NUP98: variants seen among roughly 807,000 people sequenced by gnomAD.
NUP98 encodes the protein nuclear pore complex protein Nup98-Nup96.
A neutral mutation model predicts 191.9 loss-of-function variants in NUP98; 26 were observed. The ratio of observed to expected loss-of-function variants is 0.14; its 90% CI spans 0.10 to 0.19. The LOEUF is 0.19. Among genes scored for constraint, NUP98 ranks in the 10% least tolerant of loss-of-function variants. The probability of loss-of-function intolerance (pLI) is 1.00; values close to 1 mark genes in which losing one functional copy is unlikely to be tolerated. For missense variants in NUP98, 1,941 were observed against 2,178.8 expected, an observed-to-expected ratio of 0.89 and a Z score of 2.17; for synonymous variants, 808 against 778.4, an observed-to-expected ratio of 1.04 and a Z score of -0.63.
intron 1 of NUP98, among the ~76,000 whole-genome samples, chr11:3,786,811 C>T (rs988953545): frequency 6.6e-6 from 1 of 152,208 alleles, no homozygotes; most frequent in Non-Finnish European, 1.5e-5. Flanking sequence ...TTTACAACTC[C>T]AGGCAACTGT....
chr11:3,705,050 T>C, intron 22 of NUP98, 150 bp downstream of exon 22: 1 of 726,108 alleles, frequency 1.4e-6, no homozygotes, highest in East Asian at 2.7e-5. Flanking sequence ...TACTTATAAG[T>C]ACAATTTCTC....
At chr11:3,741,714 A>G (rs534687461) in intron 12 of NUP98, among the ~76,000 whole-genome samples, 1 of 152,272 alleles carries the variant, frequency 6.6e-6, no homozygotes, top group East Asian at 1.9e-4. Flanking sequence ...TTAAGATAGA[A>G]AGGATCTAAG....
At chr11:3,702,954 G>GA in intron 22 of NUP98, 62 bp from the exon 23 acceptor site, 2 of 1,330,546 alleles carry the variant, frequency 1.5e-6, no homozygotes, top group Non-Finnish European at 2.1e-6. Context: ...ATTGTTTCTT[G>GA]AACAATAACA....
At chr11:3,755,823 G>A (rs957647288) in intron 10 of NUP98, among the ~76,000 whole-genome samples, 1 of 152,090 alleles carries the variant, frequency 6.6e-6, no homozygotes, top group South Asian at 2.1e-4. Context: ...AATTAGCCGG[G>A]TGTGGTGGCA....
Position 3,705,272 on chromosome 11 carries a change from C to T in NUP98, c.3010G>A (p.Asp1004Asn), listed in dbSNP as rs1232608013. Residue 1004 changes from aspartate (D) to asparagine (N), a missense_variant, in exon 22 of 33, where the codon GAT becomes AAT. Asp to Asn is a conservative substitution (Grantham distance 23). Transcript: ENST00000324932. ...GGAGAACAGATTTCTTGAGAAGTAT[C>T]TGCTTTGGAAGGCAGGCGACTGAAG... ...QRFSRLPSKA[D>N]TSQEICSPRL... 4 of 1,614,060 alleles carry T rather than the reference C, an allele frequency of 2.5e-6. No homozygotes were observed. The highest frequency in any genetic ancestry group is 3.4e-6 in the Non-Finnish European group (4 of 1,180,030).
At chr11:3,693,458 C>G in intron 26 of NUP98, 83 bp from the exon 27 acceptor site, 2 of 1,342,120 alleles carry the variant, frequency 1.5e-6, no homozygotes, top group Non-Finnish European at 2.1e-6. Context: ...TGAATATTCA[C>G]TTATTCAAGG....
In NUP98 at chr11:3,702,769, G is replaced by C. The variant is rs761420786; in HGVS notation, c.3206C>G (p.Ser1069Cys). 1 of 1,614,170 alleles carries C rather than the reference G, an allele frequency of 6.2e-7. No individual in the cohort carries two copies. The change falls in exon 23 of 33, where the codon TCT becomes TGT. Residue 1069 changes from serine to cysteine, a missense_variant. By Grantham distance (112) the Ser-to-Cys change is moderately radical (BLOSUM62 -1). Around this residue, in one of 6 missense-constraint regions of NUP98, gnomAD observed 1,030 missense variants for 1,115.8 expected, o/e 0.92. Transcript: ENST00000324932. ...CACAGAAGTCAGGGGTGGAGGGACA[G>C]ACCAAGAGGATGTGGATGGGATATT... The part of the protein sequence containing the change: ...LMNIPSTSSW[S>C]VPPPLTSVFT...
intron 14 of NUP98, among the ~76,000 whole-genome samples, chr11:3,726,098 T>A (rs1010824979): frequency 5.3e-5 from 8 of 152,168 alleles, no homozygotes; most frequent in African/African-American, 1.9e-4. Flanking sequence ...CAAGTACACA[T>A]GGAACATTTA....
At chr11:3,691,836 G>A (rs1376179127) in intron 27 of NUP98, among the ~76,000 whole-genome samples, 2 of 152,124 alleles carry the variant, frequency 1.3e-5, no homozygotes, top group Non-Finnish European at 2.9e-5. Flanking sequence ...TTAGAGGTGT[G>A]AATGACCGCA....
intron 18 of NUP98, among the ~76,000 whole-genome samples, chr11:3,715,086 CTGTTACACATTCCCACCAA>C (rs2079137507): frequency 6.6e-6 from 1 of 152,234 alleles, no homozygotes; most frequent in Admixed American, 6.5e-5. Flanking sequence ...AGTGGCTGCA[CTGTTACACATTCCCACCAA>C]TGGTGCACAA....
chr11:3,774,308 A>G (rs1476173995), intron 5 of NUP98, among the ~76,000 whole-genome samples: 1 of 152,262 alleles, frequency 6.6e-6, no homozygotes, highest in Non-Finnish European at 1.5e-5. Flanking sequence ...GCTACTCAGG[A>G]GGCTGAGGCA....
intron 28 of NUP98, among the ~76,000 whole-genome samples, chr11:3,687,161 T>G (rs1482327759): frequency 1.3e-5 from 2 of 152,236 alleles, no homozygotes; most frequent in East Asian, 3.9e-4. Flanking sequence ...CTTGAGCTCC[T>G]GGGTTCAAGT....
At chr11:3,707,220 T>C (rs140368563) in intron 20 of NUP98, among the ~76,000 whole-genome samples, 1 of 152,216 alleles carries the variant, frequency 6.6e-6, no homozygotes, top group Non-Finnish European at 1.5e-5. Flanking sequence ...AGTAATAATA[T>C]TAGGAACAAT....
intron 18 of NUP98, chr11:3,714,631 A>T (rs1413237770): frequency 6.3e-6 from 1 of 158,616 alleles, no homozygotes; most frequent in Non-Finnish European, 1.4e-5. Flanking sequence ...GACTTATCCC[A>T]GATACATCAC....
intron 2 of NUP98, among the ~76,000 whole-genome samples, chr11:3,780,557 AAAAAAGAAAAAG>A (rs976302761): frequency 1.0e-4 from 14 of 140,462 alleles, no homozygotes; most frequent in South Asian, 4.2e-4. Flanking sequence ...AAAAAAAAAA[AAAAAAGAAAAAG>A]AAAAAGAAAA....
At chr11:3,731,664 C>A in intron 13 of NUP98, 86 bp from the exon 14 acceptor site, 1 of 925,022 alleles carries the variant, frequency 1.1e-6, no homozygotes, top group Non-Finnish European at 1.5e-6. Context: ...AGATTTCAAT[C>A]CTCATCTTTG....
At chr11:3,736,100 T>TG (rs1564862183) in intron 12 of NUP98, among the ~76,000 whole-genome samples, 4,569 of 111,190 alleles carry the variant, frequency 0.041, 157 homozygotes, top group South Asian at 0.23. Context: ...GTGTGTGTGT[T>TG]TTGTTTTTTT....
At chr11:3,749,347 G>A (rs1589871644) in intron 11 of NUP98, among the ~76,000 whole-genome samples, 1 of 151,916 alleles carries the variant, frequency 6.6e-6, no homozygotes, top group Non-Finnish European at 1.5e-5. Context: ...TTAAGAGGCC[G>A]GGCACAGAGG....
chr11:3,688,991 T>C (rs2078222954), intron 28 of NUP98, among the ~76,000 whole-genome samples: 2 of 151,926 alleles, frequency 1.3e-5, no homozygotes, highest in Admixed American at 6.6e-5. Flanking sequence ...CCCAGTACTT[T>C]AGGAGGCCAG....
Sources: allele counts gnomAD v4.1 joint callset (sites outside exome capture counted in the v4.1 genomes callset), GRCh38; gene constraint gnomAD v4.1.1; regional missense constraint gnomAD v4.1.1; transcripts MANE v1.5; gene names NCBI Gene and HGNC (gene_info 2026-07-23, HGNC 2026-07-21).